SGCD: variants seen among roughly 807,000 people sequenced by gnomAD.
SGCD encodes the protein delta-sarcoglycan.
SGCD carries 18 observed loss-of-function variants against 36.6 expected under a neutral mutation model. The ratio of observed to expected loss-of-function variants is 0.49; its 90% CI spans 0.34 to 0.73. The LOEUF (loss-of-function observed/expected upper bound fraction) is 0.73, where lower values mean the gene tolerates loss of function less well. SGCD is among the 30% of genes least tolerant of loss of function. The pLI is 0.01. For missense variants in SGCD, 387 were observed against 346.7 expected, an observed-to-expected ratio of 1.12 and a Z score of -0.92; for synonymous variants, 133 against 130.6, an observed-to-expected ratio of 1.02 and a Z score of -0.12.
chr5:156,069,517 G>A (rs970814339), intron 1 of SGCD, among the ~76,000 whole-genome samples: 1 of 152,026 alleles, frequency 6.6e-6, no homozygotes. Flanking sequence ...TGCTGTTTTG[G>A]TTACTGTAGC....
intron 1 of SGCD, among the ~76,000 whole-genome samples, chr5:155,941,795 G>T (rs1165011185): frequency 6.6e-6 from 1 of 151,994 alleles, no homozygotes; most frequent in Non-Finnish European, 1.5e-5. Context: ...ATTAATTGAT[G>T]AAAAAAGTCA....
intron 1 of SGCD, among the ~76,000 whole-genome samples, chr5:155,953,359 A>G (rs761628244): frequency 2.0e-5 from 3 of 152,156 alleles, no homozygotes; most frequent in African/African-American, 4.8e-5. Context: ...TTTGGTAAGT[A>G]AAGTCTTACA....
the SGCD span, among the ~76,000 whole-genome samples, chr5:155,777,994 T>C: frequency 6.6e-6 from 1 of 152,308 alleles, no homozygotes; most frequent in Non-Finnish European, 1.5e-5. Context: ...GAGAGACATA[T>C]ATTCTTTTGT....
At position 155,990,613 on chromosome 5, in the gene SGCD, T is replaced by C. The variant is rs150487477; in HGVS notation, c.-282+120189T>C. 3.3e-3 allele frequency among the ~76,000 whole-genome samples: 507 copies of C among 152,312 alleles called. 4 individuals carry two copies. The highest frequency in any genetic ancestry group is 0.011 in the African/African-American group (458 of 41,572). Reference sequence around the variant, plus strand: ...TCCTTTTCTAGTCATATAAAATATTTGAATTTTTCTATCCTTTTAGCCCCA... The same window carrying C: ...TCCTTTTCTAGTCATATAAAATATTCGAATTTTTCTATCCTTTTAGCCCCA... On this transcript the variant is annotated intron_variant, in intron 1 of 9. Coordinates refer to the SGCD transcript ENST00000517913.
intron 3 of SGCD, among the ~76,000 whole-genome samples, chr5:156,177,622 C>A (rs1763505192): frequency 6.6e-6 from 1 of 152,038 alleles, no homozygotes. Context: ...TTAAAGTGTA[C>A]AATTCTATTA....
intron 3 of SGCD, among the ~76,000 whole-genome samples, chr5:156,256,010 C>T (rs6556514): frequency 0.81 from 122,710 of 152,136 alleles, 50,179 homozygotes; most frequent in African/African-American, 0.93. Context: ...TCCCACTACA[C>T]AGAAAAGGCT....
chr5:155,901,523 G>T (rs577176254), intron 1 of SGCD, among the ~76,000 whole-genome samples: 26 of 152,226 alleles, frequency 1.7e-4, no homozygotes, highest in Admixed American at 5.9e-4. Context: ...TAAATGATTT[G>T]CCTGTGTCTC....
chr5:156,622,305 C>T (rs996962365), intron 6 of SGCD, among the ~76,000 whole-genome samples: 3 of 151,572 alleles, frequency 2.0e-5, no homozygotes, highest in Non-Finnish European at 2.9e-5. Flanking sequence ...TGGTGGTGGG[C>T]GCCTGTAATC....
chr5:156,454,475 T>C (rs1486372758), intron 3 of SGCD, among the ~76,000 whole-genome samples: 2 of 152,194 alleles, frequency 1.3e-5, no homozygotes, highest in African/African-American at 2.4e-5. Flanking sequence ...ATTTATACTT[T>C]GTTGGAGACA....
the SGCD span, among the ~76,000 whole-genome samples, chr5:155,822,617 AG>A: frequency 6.6e-6 from 1 of 152,232 alleles, no homozygotes; most frequent in African/African-American, 2.4e-5. Context: ...GGAAATGTGC[AG>A]AGAATTCTGA....
chr5:156,728,508 CAAAAAA>C (rs34726270), intron 7 of SGCD, among the ~76,000 whole-genome samples: 6 of 46,556 alleles, frequency 1.3e-4, no homozygotes, highest in African/African-American at 1.7e-4. Context: ...GAGACTCTGT[CAAAAAA>C]AAAAAAAAAA....
chr5:156,511,261 A>G (rs933831851), intron 4 of SGCD, among the ~76,000 whole-genome samples: 1 of 152,234 alleles, frequency 6.6e-6, no homozygotes, highest in African/African-American at 2.4e-5. Flanking sequence ...ATGCATACAT[A>G]ATAAAATCCG....
chr5:155,917,381 T>C (rs1756767675), intron 1 of SGCD, among the ~76,000 whole-genome samples: 1 of 152,170 alleles, frequency 6.6e-6, no homozygotes, highest in African/African-American at 2.4e-5. Context: ...GAATGGATAG[T>C]TGGTTGCATA....
chr5:156,375,698 A>G (rs1770627473), intron 3 of SGCD, among the ~76,000 whole-genome samples: 1 of 152,206 alleles, frequency 6.6e-6, no homozygotes, highest in African/African-American at 2.4e-5. Flanking sequence ...AAGATGTACA[A>G]GAGTGCATTG....
At chr5:156,368,896 T>G (rs766731918) in intron 3 of SGCD, among the ~76,000 whole-genome samples, 5 of 152,174 alleles carry the variant, frequency 3.3e-5, no homozygotes, top group Non-Finnish European at 7.3e-5. Context: ...TATATTGCAA[T>G]GTAAAAATAA....
At chr5:156,078,769 A>G (rs1760868834) in intron 1 of SGCD, among the ~76,000 whole-genome samples, 2 of 150,544 alleles carry the variant, frequency 1.3e-5, no homozygotes, top group South Asian at 4.2e-4. Flanking sequence ...CTAAACTAGT[A>G]TAATTTTACA....
intron 4 of SGCD, among the ~76,000 whole-genome samples, chr5:156,586,299 G>T (rs934434602): frequency 6.6e-6 from 1 of 152,132 alleles, no homozygotes; most frequent in Admixed American, 6.5e-5. Context: ...TGTTGAGGAG[G>T]AAGACCACAG....
At chr5:156,053,601 G>A (rs1286964212) in intron 1 of SGCD, among the ~76,000 whole-genome samples, 1 of 146,196 alleles carries the variant, frequency 6.8e-6, no homozygotes, top group South Asian at 2.2e-4. Context: ...GCTCTTGTGT[G>A]ATTCCCCTGG....
chr5:156,056,612 C>T (rs1182227090), intron 1 of SGCD, among the ~76,000 whole-genome samples: 2 of 127,076 alleles, frequency 1.6e-5, no homozygotes, highest in Non-Finnish European at 1.7e-5. Flanking sequence ...CAACTCTTCT[C>T]ATTCTCTGGT....
Sources: gnomAD v4.1 joint callset for allele counts (sites outside exome capture counted in the v4.1 genomes callset) on GRCh38, gnomAD v4.1.1 for gene constraint, MANE v1.5 for transcripts, NCBI Gene and HGNC (gene_info 2026-07-23, HGNC 2026-07-21) for gene names.